Variants in LMX1A observed in about 807,000 individuals in gnomAD.
LMX1A encodes the protein LIM homeobox transcription factor 1-alpha.
Under a neutral mutation model 49.1 loss-of-function variants are expected in LMX1A, and 15 were observed. The ratio of observed to expected loss-of-function variants is 0.31; its 90% CI spans 0.20 to 0.47. The LOEUF is 0.47. Ranked by LOEUF, LMX1A falls within the 20% of genes least tolerant of loss-of-function variation. The pLI is 1.00. For missense variants in LMX1A, 372 were observed against 475.8 expected (o/e 0.78, Z 2.03); for synonymous variants, 167 against 185.7 (o/e 0.90, Z 0.82).
At chr1:165,311,858 T>C (rs1043170883) in intron 3 of LMX1A, among the ~76,000 whole-genome samples, 4 of 152,166 alleles carry the variant, frequency 2.6e-5, no homozygotes, top group African/African-American at 9.7e-5. Context: ...TGATGTGTGA[T>C]GTGCCGTTCA....
At position 165,203,138 on chromosome 1, in the gene LMX1A, A is replaced by G. The variant is rs537450648; in HGVS notation, c.*742T>C. Reference sequence around the variant, plus strand: ...AGATTATTCTGTCCCACCCCTGCCCAGTGATTCAACCCCAAAGAGAGCAAG... The same window carrying G: ...AGATTATTCTGTCCCACCCCTGCCCGGTGATTCAACCCCAAAGAGAGCAAG... On this transcript the variant is annotated 3_prime_UTR_variant, in exon 9 of 9. Transcript: ENST00000342310. The G allele has an allele frequency of 1.3e-5, 2 of 152,560 alleles. No homozygotes were observed. The highest frequency in any genetic ancestry group is 4.1e-4 in the South Asian group (2 of 4,822). The allele number at this position is 152,560 out of a possible 1,614,324, so 9.5% of individuals were successfully genotyped here.
In LMX1A at chr1:165,293,153, C is replaced by A. The variant is rs926154692; in HGVS notation, c.264-43513G>T. ...AAAACAAAACAAAACAAAAAAAAAA[C>A]CTTACTGGATTACAGCTGTATGCAA... On this transcript the variant is annotated intron_variant, in intron 3 of 8. Transcript: ENST00000342310. 4.6e-5 allele frequency among the ~76,000 whole-genome samples: 7 copies of A among 150,806 alleles called. 1 individual carries two copies. In the South Asian group the frequency reaches 1.1e-3, roughly 23 times the overall value.
chr1:165,318,997 TCTCACACACACACACACA>T (rs1257940370), intron 3 of LMX1A, among the ~76,000 whole-genome samples: 1 of 67,806 alleles, frequency 1.5e-5, no homozygotes, highest in African/African-American at 4.7e-5. Context: ...TCTCTCTCTC[TCTCACACACACACACACA>T]CACACACACA....
chr1:165,325,115 T>G (rs895600800), intron 3 of LMX1A, among the ~76,000 whole-genome samples: 2 of 151,982 alleles, frequency 1.3e-5, no homozygotes, highest in African/African-American at 2.4e-5. Flanking sequence ...TAAAAGAAAC[T>G]CAAGCAAACT....
intron 6 of LMX1A, among the ~76,000 whole-genome samples, chr1:165,209,555 G>A (rs2102598459): frequency 6.6e-6 from 1 of 152,304 alleles, no homozygotes; most frequent in South Asian, 2.1e-4. Context: ...CCTACATTAT[G>A]AAACCTCCAT....
chr1:165,286,783 T>C (rs1654315106), intron 3 of LMX1A, among the ~76,000 whole-genome samples: 1 of 5,110 alleles, frequency 2.0e-4, no homozygotes, highest in South Asian at 0.014. Flanking sequence ...TACTTGGCTC[T>C]GAAAACAAGC....
At chr1:165,233,503 T>G (rs2102622775) in intron 4 of LMX1A, among the ~76,000 whole-genome samples, 1 of 152,340 alleles carries the variant, frequency 6.6e-6, no homozygotes, top group East Asian at 1.9e-4. Context: ...AGCTTTTCTG[T>G]GATTCCCAAA....
chr1:165,323,559 G>A (rs1169013564), intron 3 of LMX1A, among the ~76,000 whole-genome samples: 2 of 152,074 alleles, frequency 1.3e-5, no homozygotes, highest in Non-Finnish European at 2.9e-5. Context: ...TATAAAATGC[G>A]TACCCAGATG....
chr1:165,355,409 C>T lies in LMX1A; in HGVS notation c.76+75G>A. 6.9e-7 allele frequency: 1 copy of T among 1,450,636 alleles called. No individual in the cohort carries two copies. The highest frequency in any genetic ancestry group is 1.8e-5 in the Admixed American group (1 of 56,412). 89.9% of individuals were successfully genotyped at this position (1,450,636 alleles called of 1,614,324 possible). A position where few individuals can be genotyped will look rare whatever the true frequency, so the allele number is the denominator to read the frequency against. The stretch of plus-strand genomic sequence containing the variant: ...TAGCTTCCCTATCGCGGACCAGGTC[C>T]CAGAGAGCGGGGCTCCAGAGCTCAG... On this transcript the variant is annotated intron_variant, in intron 2 of 8. Coordinates refer to ENST00000342310, the MANE Select transcript of LMX1A (RefSeq NM_177398.4). The surrounding 1 kb of genome is among the most constrained non-coding windows in gnomAD (Gnocchi z 4.7).
intron 3 of LMX1A, among the ~76,000 whole-genome samples, chr1:165,297,237 T>C (rs749588537): frequency 1.2e-4 from 18 of 152,292 alleles, no homozygotes; most frequent in Non-Finnish European, 2.6e-4. Flanking sequence ...CTTCAGAAAT[T>C]AAAATAAAGG....
intron 3 of LMX1A, among the ~76,000 whole-genome samples, chr1:165,302,256 C>A (rs1377491028): frequency 6.6e-6 from 1 of 151,854 alleles, no homozygotes; most frequent in Admixed American, 6.6e-5. Flanking sequence ...CCAGCCTCGC[C>A]AACATGGAGA....
intron 3 of LMX1A, among the ~76,000 whole-genome samples, chr1:165,334,319 C>G (rs567102000): frequency 6.6e-6 from 1 of 152,196 alleles, no homozygotes; most frequent in Non-Finnish European, 1.5e-5. Context: ...ACAATCACTG[C>G]TGTCTCCAAT....
chr1:165,245,104 T>C lies in LMX1A; in HGVS notation c.496+4304A>G, dbSNP rs1055319893. On this transcript the variant is annotated intron_variant, in intron 4 of 8. Coordinates refer to ENST00000342310, the MANE Select transcript of LMX1A (RefSeq NM_177398.4). ...TTCTTTTTTAAAAAATAATTTCAACTTCTATTTTAGATGCAGGGCATGCAT... is the reference window on the plus strand; with the variant it reads ...TTCTTTTTTAAAAAATAATTTCAACCTCTATTTTAGATGCAGGGCATGCAT... 4.6e-5 allele frequency among the ~76,000 whole-genome samples: 7 copies of C among 152,222 alleles called. No homozygotes were observed. The East Asian group carries it at 1.2e-3, about 25-fold the overall frequency.
chr1:165,207,180 T>G (rs1571144136), intron 7 of LMX1A, among the ~76,000 whole-genome samples: 1 of 152,328 alleles, frequency 6.6e-6, no homozygotes, highest in South Asian at 2.1e-4. Context: ...CGCAGGTGAC[T>G]TACGTGCATA....
intron 4 of LMX1A, among the ~76,000 whole-genome samples, chr1:165,226,471 T>C (rs910670476): frequency 2.0e-5 from 3 of 152,198 alleles, no homozygotes; most frequent in Non-Finnish European, 4.4e-5. Flanking sequence ...ATCAAGTCTT[T>C]CAATGAGTCC....
rs887404956 is a variant in LMX1A at position 165,356,443 on chromosome 1, G to A, written c.-111C>T. 2 of 152,178 alleles carry A rather than the reference G, an allele frequency of 1.3e-5. No individual in the cohort carries two copies. The highest frequency in any genetic ancestry group is 1.9e-4 in the East Asian group (1 of 5,166). 9.4% of individuals were successfully genotyped at this position (152,178 alleles called of 1,614,324 possible). On this transcript the variant is annotated 5_prime_UTR_variant, in exon 1 of 9. Coordinates refer to ENST00000342310, the MANE Select transcript of LMX1A (RefSeq NM_177398.4). ...TTCTGCCCGGGAAGGCGTCGCCCCC[G>A]AGACTGCAGCCGGAGGAGCCGCCCT...
Position 165,213,657 on chromosome 1 carries a change from G to A in LMX1A, c.653C>T (p.Ser218Phe), listed in dbSNP as rs1282574153. 3 of 1,613,966 alleles carry A rather than the reference G, an allele frequency of 1.9e-6. No individual in the cohort carries two copies. In the African/African-American group the frequency reaches 4.0e-5, roughly 22 times the overall value. Residue 218 changes from serine to phenylalanine, a missense_variant, in exon 5 of 9, where the codon TCC (serine) becomes TTC (phenylalanine). Ser to Phe is a radical substitution (Grantham distance 155). This residue lies in a region of LMX1A where 46 missense variants were observed against 93.8 expected (regional missense o/e 0.49). Transcript: ENST00000342310. ...CTCCTATACCTTCCTGCAGGGCTTG[G>A]AGGATACTTCAAATGAGGCCTTGAA... ...RAFKASFEVS[S>F]KPCRKVRETL...
At chr1:165,299,785 A>AAC (rs1428259794) in intron 3 of LMX1A, among the ~76,000 whole-genome samples, 1 of 151,734 alleles carries the variant, frequency 6.6e-6, no homozygotes, top group East Asian at 1.9e-4. Flanking sequence ...AAAAAAAAAA[A>AAC]AAAGTAGTAG....
intron 3 of LMX1A, among the ~76,000 whole-genome samples, chr1:165,261,106 G>T (rs1436399582): frequency 2.6e-5 from 4 of 152,154 alleles, no homozygotes; most frequent in African/African-American, 9.7e-5. Context: ...TCAGGGTCCT[G>T]AATCCCCAAA....
Sources: allele counts gnomAD v4.1 joint callset (sites outside exome capture counted in the v4.1 genomes callset), GRCh38; gene constraint gnomAD v4.1.1; regional missense constraint gnomAD v4.1.1; non-coding constraint Gnocchi (gnomAD v3.1); transcripts MANE v1.5; gene names NCBI Gene and HGNC (gene_info 2026-07-23, HGNC 2026-07-21).